Variants in XPR1 observed in about 807,000 individuals in gnomAD.
XPR1 encodes the protein solute carrier family 53 member 1.
Under a neutral mutation model 87.5 loss-of-function variants are expected in XPR1, and 28 were observed. The observed-to-expected ratio is 0.32, with a 90% confidence interval of 0.24 to 0.44. XPR1 has a LOEUF of 0.44. Ranked by LOEUF, XPR1 falls within the 20% of genes least tolerant of loss-of-function variation. The pLI is 1.00. For missense variants in XPR1, 559 were observed against 862.3 expected (o/e 0.65, Z 4.41); for synonymous variants, 300 against 306.1 (o/e 0.98, Z 0.21).
chr1:180,866,793 G>GT (rs1652407556), intron 12 of XPR1, among the ~76,000 whole-genome samples: 2 of 137,298 alleles, frequency 1.5e-5, no homozygotes, highest in African/African-American at 5.7e-5. Flanking sequence ...ACACATATTA[G>GT]TTTATTTTTT....
rs80034284 is a variant in XPR1 at position 180,885,769 on chromosome 1, G to T, written c.*1703G>T. ...TACCATTCGCTTAGTCAAAACATTC[G>T]GTTACTGCCCTTTAATACACTCCTA... On this transcript the variant is annotated 3_prime_UTR_variant, in exon 15 of 15. Coordinates refer to ENST00000367590, the MANE Select transcript of XPR1 (RefSeq NM_004736.4). 2 of 152,210 alleles carry T rather than the reference G, an allele frequency of 1.3e-5. No homozygotes were observed. The highest frequency in any genetic ancestry group is 1.9e-4 in the East Asian group (1 of 5,192). The allele number at this position is 152,210 out of a possible 1,614,324, so 9.4% of individuals were successfully genotyped here. A position where few individuals can be genotyped will look rare whatever the true frequency, so the allele number is the denominator to read the frequency against.
chr1:180,864,280 TAA>T (rs1652313162), intron 12 of XPR1, among the ~76,000 whole-genome samples: 1 of 152,208 alleles, frequency 6.6e-6, no homozygotes, highest in Non-Finnish European at 1.5e-5. Flanking sequence ...AAAGTCAGTT[TAA>T]GTGTTACTTT....
At chr1:180,744,089 G>C (rs1003128754) in intron 2 of XPR1, among the ~76,000 whole-genome samples, 1 of 151,964 alleles carries the variant, frequency 6.6e-6, no homozygotes, top group Admixed American at 6.6e-5. Context: ...TTTCCTTTGG[G>C]AACTTGGTTG....
At chr1:180,708,894 G>GTTTTT (rs1264196151) in intron 2 of XPR1, among the ~76,000 whole-genome samples, 1 of 83,982 alleles carries the variant, frequency 1.2e-5, no homozygotes, top group Admixed American at 1.9e-4. Flanking sequence ...AGCATGTAAA[G>GTTTTT]TTTTTTTTTT....
chr1:180,685,679 A>C (rs558055123), intron 2 of XPR1, among the ~76,000 whole-genome samples: 2 of 152,164 alleles, frequency 1.3e-5, no homozygotes, highest in African/African-American at 4.8e-5. Context: ...TTATTGGTCT[A>C]TTCAGAGATT....
chr1:180,724,892 G>A (rs1039331162), intron 2 of XPR1, among the ~76,000 whole-genome samples: 5 of 152,056 alleles, frequency 3.3e-5, no homozygotes, highest in African/African-American at 1.2e-4. Context: ...AAAATGTGGT[G>A]GTATGGAGAA....
At chr1:180,774,310 A>G (rs1648625459) in intron 2 of XPR1, among the ~76,000 whole-genome samples, 1 of 152,108 alleles carries the variant, frequency 6.6e-6, no homozygotes, top group Non-Finnish European at 1.5e-5. Flanking sequence ...ATGGATGTTA[A>G]AGAATTAACA....
intron 1 of XPR1, among the ~76,000 whole-genome samples, chr1:180,663,689 A>G (rs1655856934): frequency 6.6e-6 from 1 of 152,160 alleles, no homozygotes; most frequent in African/African-American, 2.4e-5. Flanking sequence ...TATATTCAGC[A>G]GGTAGTGAAT....
intron 7 of XPR1, among the ~76,000 whole-genome samples, chr1:180,819,083 A>G (rs988688698): frequency 1.3e-5 from 2 of 152,060 alleles, no homozygotes; most frequent in Non-Finnish European, 2.9e-5. Context: ...TTGAGTAGCC[A>G]GGAATACAAG....
At chr1:180,780,638 G>A (rs1648897641) in intron 2 of XPR1, among the ~76,000 whole-genome samples, 2 of 149,272 alleles carry the variant, frequency 1.3e-5, no homozygotes, top group African/African-American at 4.9e-5. Context: ...CTTGGTGGTG[G>A]GCACCTGTAG....
chr1:180,807,160 G>A (rs1650023485), intron 6 of XPR1, among the ~76,000 whole-genome samples: 1 of 152,036 alleles, frequency 6.6e-6, no homozygotes, highest in Non-Finnish European at 1.5e-5. Flanking sequence ...GCCCAAAAAA[G>A]GGTATTCACT....
intron 2 of XPR1, among the ~76,000 whole-genome samples, chr1:180,697,382 T>C (rs938432968): frequency 2.0e-5 from 3 of 152,040 alleles, no homozygotes; most frequent in African/African-American, 7.2e-5. Flanking sequence ...ACTAGTAGTT[T>C]ATCCATTTTA....
At chr1:180,702,400 A>T (rs994046990) in intron 2 of XPR1, among the ~76,000 whole-genome samples, 2 of 150,034 alleles carry the variant, frequency 1.3e-5, no homozygotes, top group Non-Finnish European at 3.0e-5. Flanking sequence ...GTGCTGAAAA[A>T]AATGTATATT....
intron 1 of XPR1, among the ~76,000 whole-genome samples, chr1:180,670,133 A>G (rs755879947): frequency 1.3e-5 from 2 of 152,198 alleles, no homozygotes; most frequent in Non-Finnish European, 2.9e-5. Context: ...CTTTAGATCT[A>G]AAGTGTCTTG....
intron 11 of XPR1, among the ~76,000 whole-genome samples, chr1:180,851,756 C>A (rs1473836369): frequency 6.6e-6 from 1 of 152,042 alleles, no homozygotes; most frequent in Non-Finnish European, 1.5e-5. Context: ...GTATCTGATA[C>A]AGCAGAAGAA....
intron 1 of XPR1, among the ~76,000 whole-genome samples, chr1:180,670,966 A>G (rs1366429225): frequency 1.3e-5 from 2 of 152,194 alleles, no homozygotes; most frequent in East Asian, 1.9e-4. Context: ...TACAAGATGG[A>G]TTAAAAGATG....
intron 1 of XPR1, among the ~76,000 whole-genome samples, chr1:180,673,198 T>C (rs1349427031): frequency 6.6e-6 from 1 of 152,222 alleles, no homozygotes; most frequent in African/African-American, 2.4e-5. Flanking sequence ...AGAGATGATC[T>C]AATATGGGTT....
intron 11 of XPR1, among the ~76,000 whole-genome samples, chr1:180,861,010 A>C (rs1342703094): frequency 6.6e-6 from 1 of 152,070 alleles, no homozygotes; most frequent in Non-Finnish European, 1.5e-5. Context: ...TTATGTAATA[A>C]TTTACACTTG....
intron 9 of XPR1, among the ~76,000 whole-genome samples, chr1:180,832,912 G>A (rs1176382938): frequency 2.6e-5 from 4 of 152,192 alleles, no homozygotes; most frequent in Non-Finnish European, 5.9e-5. Flanking sequence ...ATCAATGGCA[G>A]TTTGATAGGG....
Sources: allele counts gnomAD v4.1 joint callset (sites outside exome capture counted in the v4.1 genomes callset), GRCh38; gene constraint gnomAD v4.1.1; transcripts MANE v1.5; gene names NCBI Gene and HGNC (gene_info 2026-07-23, HGNC 2026-07-21).